Variants in CABCOCO1 observed in about 807,000 individuals in gnomAD.
CABCOCO1 encodes ciliary associated calcium binding coiled-coil 1.
CABCOCO1 carries 28 observed loss-of-function variants against 35.7 expected under a neutral mutation model. That is an observed-to-expected ratio of 0.78 (90% CI 0.58 to 1.07). The LOEUF is 1.07. CABCOCO1 is among the 50% of genes least tolerant of loss of function. The pLI, the probability that CABCOCO1 is intolerant of heterozygous loss-of-function variation, is 0.00. For missense variants in CABCOCO1, 326 were observed against 309.2 expected (o/e 1.05, Z -0.41); for synonymous variants, 95 against 100.1 (o/e 0.95, Z 0.30).
intron 5 of CABCOCO1, among the ~76,000 whole-genome samples, chr10:61,716,142 T>C (rs1840860467): frequency 6.6e-6 from 1 of 152,196 alleles, no homozygotes; most frequent in Non-Finnish European, 1.5e-5. Context: ...TCCTATAATT[T>C]TTTAATATTC....
chr10:61,684,040 A>G (rs1225365349), intron 3 of CABCOCO1, among the ~76,000 whole-genome samples: 1 of 152,160 alleles, frequency 6.6e-6, no homozygotes, highest in East Asian at 1.9e-4. Context: ...CCATTCATTT[A>G]TGAATTGCTT....
intron 1 of CABCOCO1, among the ~76,000 whole-genome samples, chr10:61,668,306 T>C (rs1269664083): frequency 2.0e-5 from 3 of 152,004 alleles, no homozygotes; most frequent in African/African-American, 4.8e-5. Context: ...TTTTGGTTTA[T>C]AATTTCCTTT....
chr10:61,706,026 C>T (rs1223794677), intron 5 of CABCOCO1, among the ~76,000 whole-genome samples: 1 of 152,132 alleles, frequency 6.6e-6, no homozygotes, highest in African/African-American at 2.4e-5. Context: ...GAAGTTTCAA[C>T]AATTAAAACC....
intron 7 of CABCOCO1, among the ~76,000 whole-genome samples, chr10:61,765,277 G>C (rs953107752): frequency 1.3e-5 from 2 of 152,192 alleles, no homozygotes. Context: ...TAATGTGAAC[G>C]TATTTATGGA....
chr10:61,739,964 T>C (rs1023506671), intron 5 of CABCOCO1, among the ~76,000 whole-genome samples: 14 of 152,062 alleles, frequency 9.2e-5, no homozygotes, highest in Admixed American at 7.9e-4. Context: ...ATAAAGGAAA[T>C]TTAACATAGA....
intron 5 of CABCOCO1, among the ~76,000 whole-genome samples, chr10:61,700,643 C>T (rs1373746191): frequency 2.0e-5 from 3 of 151,944 alleles, no homozygotes; most frequent in Non-Finnish European, 4.4e-5. Context: ...AAGGATTGTC[C>T]TTCACTGGAT....
intron 5 of CABCOCO1, among the ~76,000 whole-genome samples, chr10:61,722,461 G>C (rs1377303308): frequency 6.6e-6 from 1 of 151,904 alleles, no homozygotes; most frequent in Non-Finnish European, 1.5e-5. Context: ...CCAAACCTAT[G>C]ACACATAACC....
At chr10:61,665,760 G>C (rs1241351527) in intron 1 of CABCOCO1, among the ~76,000 whole-genome samples, 1 of 151,630 alleles carries the variant, frequency 6.6e-6, no homozygotes, top group South Asian at 2.1e-4. Flanking sequence ...GGTAGCGGGC[G>C]CCTGTAGTCC....
intron 2 of CABCOCO1, among the ~76,000 whole-genome samples, chr10:61,675,688 G>A (rs560178529): frequency 2.0e-3 from 298 of 151,740 alleles, no homozygotes; most frequent in African/African-American, 6.9e-3. Flanking sequence ...TTAGATTAAA[G>A]CTAATAATTA....
chr10:61,673,028 T>C (rs1165708519), intron 2 of CABCOCO1, among the ~76,000 whole-genome samples: 2 of 152,196 alleles, frequency 1.3e-5, no homozygotes, highest in Admixed American at 1.3e-4. Flanking sequence ...TTCTCTTTCA[T>C]TCATAAAACT....
At chr10:61,663,322 GC>G (rs1218019721) in intron 1 of CABCOCO1, among the ~76,000 whole-genome samples, 1 of 151,598 alleles carries the variant, frequency 6.6e-6, no homozygotes, top group Non-Finnish European at 1.5e-5. Flanking sequence ...GTGCCCAAAC[GC>G]CCTCATAACC....
At chr10:61,709,406 A>G (rs1353374779) in intron 5 of CABCOCO1, among the ~76,000 whole-genome samples, 1 of 152,042 alleles carries the variant, frequency 6.6e-6, no homozygotes, top group Non-Finnish European at 1.5e-5. Flanking sequence ...AGACATTTGG[A>G]ACTAAGTCAG....
intron 3 of CABCOCO1, chr10:61,684,753 T>C (rs3750728): frequency 0.53 from 80,282 of 152,134 alleles, 22,500 homozygotes; most frequent in Middle Eastern, 0.67. Context: ...ATCGCTTTTC[T>C]GCAAACATAG....
At chr10:61,749,970 C>CTTTTTTTTT (rs5785493) in intron 5 of CABCOCO1, among the ~76,000 whole-genome samples, 1 of 146,420 alleles carries the variant, frequency 6.8e-6, no homozygotes, top group Non-Finnish European at 1.5e-5. Context: ...ATGAGAGCTG[C>CTTTTTTTTT]TTTTTTTTTT....
chr10:61,702,907 G>T (rs752237274), intron 5 of CABCOCO1, among the ~76,000 whole-genome samples: 1 of 148,974 alleles, frequency 6.7e-6, no homozygotes, highest in Non-Finnish European at 1.5e-5. Flanking sequence ...TTATAGGAGT[G>T]AAGAGGAGAA....
At chr10:61,711,245 C>T (rs896295972) in intron 5 of CABCOCO1, among the ~76,000 whole-genome samples, 1 of 151,830 alleles carries the variant, frequency 6.6e-6, no homozygotes, top group Non-Finnish European at 1.5e-5. Context: ...CTATATAATT[C>T]CTACAAGAAT....
At chr10:61,668,958 C>T (rs1839272807) in intron 1 of CABCOCO1, among the ~76,000 whole-genome samples, 2 of 144,642 alleles carry the variant, frequency 1.4e-5, no homozygotes, top group South Asian at 4.4e-4. Flanking sequence ...TTTGCTTCAG[C>T]TCCAATATGG....
chr10:61,703,788 A>G (rs1840526160), intron 5 of CABCOCO1, among the ~76,000 whole-genome samples: 1 of 152,062 alleles, frequency 6.6e-6, no homozygotes, highest in Non-Finnish European at 1.5e-5. Context: ...GTTGATTCCT[A>G]GGAGCTTGAG....
chr10:61,743,323 CAT>C (rs1001898103), intron 5 of CABCOCO1, among the ~76,000 whole-genome samples: 1 of 152,140 alleles, frequency 6.6e-6, no homozygotes, highest in African/African-American at 2.4e-5. Flanking sequence ...AAAAGACAAA[CAT>C]ATACTTACTT....
Sources: allele counts gnomAD v4.1 joint callset (sites outside exome capture counted in the v4.1 genomes callset), GRCh38; gene constraint gnomAD v4.1.1; transcripts MANE v1.5; gene names NCBI Gene and HGNC (gene_info 2026-07-23, HGNC 2026-07-21).